GPRC6A: variants seen among roughly 807,000 people sequenced by gnomAD.
GPRC6A encodes G protein-coupled receptor class C group 6 member A.
GPRC6A carries 54 observed loss-of-function variants against 47.0 expected under a neutral mutation model. That is an observed-to-expected ratio of 1.15 (90% CI 0.92 to 1.44). The LOEUF (loss-of-function observed/expected upper bound fraction) is 1.44. GPRC6A is among the 40% of genes most tolerant of loss of function. The pLI, the probability that GPRC6A is intolerant of heterozygous loss-of-function variation, is 0.00. For synonymous variants in GPRC6A, 347 were observed against 377.1 expected, an observed-to-expected ratio of 0.92 and a Z score of 0.93; for missense variants, 1,112 against 1,105.5, an observed-to-expected ratio of 1.01 and a Z score of -0.08.
In GPRC6A at chr6:116,793,131, G is replaced by A. The variant is rs753058024; in HGVS notation, c.1792C>T (p.Leu598=). 1 of 1,613,916 alleles carries A rather than the reference G, an allele frequency of 6.2e-7. No individual in the cohort carries two copies. The highest frequency in any genetic ancestry group is 8.5e-7 in the Non-Finnish European group (1 of 1,179,810). ...NWNDSLAILL[L]ILSLLGIIFV... ...ATGATTCCCAGTAGGGAGAGAATCA[G>A]GAGTAGGATGGCCAAGGAGTCATTC... The change falls in exon 6 of 6, where the codon CTG becomes TTG. Residue 598 remains leucine (L), a synonymous_variant. Coordinates refer to ENST00000310357, the MANE Select transcript of GPRC6A (RefSeq NM_148963.4).
At chr6:116,825,423 C>T (rs542594702) in intron 1 of GPRC6A, among the ~76,000 whole-genome samples, 10 of 151,654 alleles carry the variant, frequency 6.6e-5, no homozygotes, top group African/African-American at 2.2e-4. Context: ...TTTTGTACAC[C>T]GGTAGTGAAA....
At chr6:116,814,967 AG>A (rs1773157740) in intron 1 of GPRC6A, among the ~76,000 whole-genome samples, 1 of 152,316 alleles carries the variant, frequency 6.6e-6, no homozygotes, top group Non-Finnish European at 1.5e-5. Context: ...AGCCAAACAT[AG>A]TAGAAAAAGT....
intron 4 of GPRC6A, among the ~76,000 whole-genome samples, chr6:116,797,513 G>C (rs1426867645): frequency 6.6e-6 from 1 of 152,152 alleles, no homozygotes; most frequent in Non-Finnish European, 1.5e-5. Flanking sequence ...TTCAGATATT[G>C]TTGGTTTTTA....
At chr6:116,813,708 C>T (rs964134168) in intron 1 of GPRC6A, among the ~76,000 whole-genome samples, 13 of 152,150 alleles carry the variant, frequency 8.5e-5, no homozygotes, top group Non-Finnish European at 1.5e-4. Flanking sequence ...GCAAGGACTT[C>T]ATGACTAAAA....
intron 1 of GPRC6A, among the ~76,000 whole-genome samples, chr6:116,812,785 C>T (rs534418534): frequency 2.6e-5 from 4 of 152,044 alleles, no homozygotes; most frequent in Admixed American, 1.3e-4. Context: ...AAGAAATAAA[C>T]GGTATTCAAT....
chr6:116,809,113 G>A (rs997989580), intron 2 of GPRC6A, among the ~76,000 whole-genome samples: 1 of 152,120 alleles, frequency 6.6e-6, no homozygotes, highest in African/African-American at 2.4e-5. Flanking sequence ...TCAGATACTA[G>A]ACCTGATAGA....
chr6:116,805,609 C>T (rs1294986980), intron 3 of GPRC6A, among the ~76,000 whole-genome samples: 3 of 138,306 alleles, frequency 2.2e-5, no homozygotes, highest in Non-Finnish European at 4.9e-5. Context: ...TGTTCAAGGG[C>T]ATTTGAGAAA....
In GPRC6A at chr6:116,795,814, T is replaced by C. The variant is rs754853076; in HGVS notation, c.1570A>G (p.Lys524Glu). The C allele has an allele frequency of 4.4e-6, 7 of 1,603,604 alleles. No homozygotes were observed. Among genetic ancestry groups the C allele is most frequent in the Middle Eastern group, 1.7e-4 (1 of 6,020 alleles). ...TTCATTTGCCCAGGACTGCATTCCT[T>C]GGAGCATTTAGATTGAATTTGCTAT... ...NLKQIQSKCS[K>E]ECSPGQMKKT... The change falls in exon 5 of 6, where the codon AAG (lysine) becomes GAG (glutamate). Residue 524 changes from lysine (K) to glutamate (E), a missense_variant. Lys to Glu is a moderately conservative substitution (Grantham distance 56). Transcript: ENST00000310357.
intron 4 of GPRC6A, among the ~76,000 whole-genome samples, chr6:116,798,714 C>G (rs1443173779): frequency 6.6e-6 from 1 of 151,730 alleles, no homozygotes; most frequent in Admixed American, 6.6e-5. Context: ...TAAACCTCGT[C>G]TCTACTAAAA....
At chr6:116,808,012 A>C (rs1248961194) in intron 2 of GPRC6A, among the ~76,000 whole-genome samples, 1 of 149,660 alleles carries the variant, frequency 6.7e-6, no homozygotes, top group Non-Finnish European at 1.5e-5. Context: ...TTTTTTTTTA[A>C]CTACTTACAG....
chr6:116,820,609 A>T (rs984539174), intron 1 of GPRC6A, among the ~76,000 whole-genome samples: 1 of 149,546 alleles, frequency 6.7e-6, no homozygotes, highest in African/African-American at 2.5e-5. Context: ...GACAAAAACC[A>T]CATGATTATC....
intron 5 of GPRC6A, among the ~76,000 whole-genome samples, chr6:116,794,312 T>C (rs1772408731): frequency 6.6e-6 from 1 of 152,216 alleles, no homozygotes; most frequent in South Asian, 2.1e-4. Context: ...AAAAATCTGT[T>C]CTTTTCTGTT....
chr6:116,806,641 T>C lies in GPRC6A; in HGVS notation c.1064A>G (p.His355Arg). 1 of 1,613,570 alleles carries C rather than the reference T, an allele frequency of 6.2e-7. No homozygotes were observed. The highest frequency in any genetic ancestry group is 8.5e-7 in the Non-Finnish European group (1 of 1,179,716). Reference sequence around the variant, plus strand: ...GGCAGATAAATGCATGGCATATTCATGTAAGAGTTTGTGACTGTCACTGGG... The same window carrying C: ...GGCAGATAAATGCATGGCATATTCACGTAAGAGTTTGTGACTGTCACTGGG... ...LLPSDSHKLLHEYAMHLSACA... is the reference protein window; with the variant it reads ...LLPSDSHKLLREYAMHLSACA... Residue 355 changes from histidine to arginine, a missense_variant, in exon 3 of 6, where the codon CAT (histidine) becomes CGT (arginine). Physicochemically the swap from His to Arg is conservative, Grantham distance 29 (BLOSUM62 0). Transcript: ENST00000310357.
chr6:116,828,711 A>G (rs945946197), intron 1 of GPRC6A, 109 bp downstream of exon 1: 81 of 899,078 alleles, frequency 9.0e-5, no homozygotes, highest in Non-Finnish European at 1.2e-4. Flanking sequence ...AAAAATACAT[A>G]TGAGTTTATT....
At chr6:116,815,572 T>C (rs1371752744) in intron 1 of GPRC6A, among the ~76,000 whole-genome samples, 1 of 152,222 alleles carries the variant, frequency 6.6e-6, no homozygotes, top group East Asian at 1.9e-4. Context: ...ATACACATTC[T>C]TCTCAGTGCA....
chr6:116,807,231 T>G, intron 2 of GPRC6A, 25 bp from the exon 3 acceptor site: 1 of 1,459,836 alleles, frequency 6.9e-7, no homozygotes, highest in Non-Finnish European at 9.5e-7. Flanking sequence ...AATATTTTAG[T>G]TATGGTGTTG....
intron 1 of GPRC6A, among the ~76,000 whole-genome samples, chr6:116,815,586 A>C (rs1273626159): frequency 1.3e-5 from 2 of 152,242 alleles, no homozygotes; most frequent in African/African-American, 2.4e-5. Context: ...CAGTGCATGG[A>C]ACATTCTCCA....
chr6:116,805,937 G>C (rs572529906), intron 3 of GPRC6A, among the ~76,000 whole-genome samples: 1 of 152,204 alleles, frequency 6.6e-6, no homozygotes, highest in African/African-American at 2.4e-5. Flanking sequence ...AAGCAAGGAA[G>C]GTGGAGTCAG....
Position 116,809,421 on chromosome 6 carries a change from A to G in GPRC6A, c.391T>C (p.Cys131Arg). 1 of 1,613,754 alleles carries G rather than the reference A, an allele frequency of 6.2e-7. No individual in the cohort carries two copies. Among genetic ancestry groups the G allele is most frequent in the Non-Finnish European group, 8.5e-7 (1 of 1,179,778 alleles). ...CTTGGCATGTAGCTGGAATAGTCAC[A>G]CTTAAACTCCACAGTTTCTCTGGAG... ...NCSRETVEFK[C>R]DYSSYMPRVK... Residue 131 changes from cysteine (C) to arginine (R), a missense_variant, in exon 2 of 6, where the codon TGT (cysteine) becomes CGT (arginine). Cys to Arg is a radical substitution (Grantham distance 180, BLOSUM62 -3). Coordinates refer to ENST00000310357, the MANE Select transcript of GPRC6A (RefSeq NM_148963.4).
Sources: gnomAD v4.1 joint callset for allele counts (sites outside exome capture counted in the v4.1 genomes callset) on GRCh38, gnomAD v4.1.1 for gene constraint, MANE v1.5 for transcripts, NCBI Gene and HGNC (gene_info 2026-07-23, HGNC 2026-07-21) for gene names.